Variants in RHOU observed in about 807,000 individuals in gnomAD.
The protein encoded by RHOU is ras homolog family member U.
In RHOU, 8 loss-of-function variants were observed where a neutral mutation model predicts 12.6. The observed-to-expected ratio is 0.64, with a 90% CI of 0.37 to 1.15. The LOEUF (loss-of-function observed/expected upper bound fraction) is 1.15. Ranked by LOEUF, RHOU falls within the 50% of genes most tolerant of loss-of-function variation. The probability of loss-of-function intolerance (pLI) is 0.01; values close to 1 mark genes in which losing one functional copy is unlikely to be tolerated. For synonymous variants in RHOU, 161 were observed against 147.4 expected, an observed-to-expected ratio of 1.09 and a Z score of -0.67; for missense variants, 258 against 347.0, an observed-to-expected ratio of 0.74 and a Z score of 2.04.
chr1:228,667,522 A>G, the RHOU span, among the ~76,000 whole-genome samples: 2,312 of 152,270 alleles, frequency 0.015, 65 homozygotes, highest in African/African-American at 0.053. Flanking sequence ...GGAACTTCAC[A>G]GTTGCTTGGC....
At chr1:228,665,941 CT>C in the RHOU span, among the ~76,000 whole-genome samples, 1 of 151,328 alleles carries the variant, frequency 6.6e-6, no homozygotes, top group African/African-American at 2.4e-5. Flanking sequence ...GGACAAAAGC[CT>C]TCTTCACCCC....
At chr1:228,683,845 C>A in the RHOU span, among the ~76,000 whole-genome samples, 89 of 152,292 alleles carry the variant, frequency 5.8e-4, no homozygotes, top group African/African-American at 1.9e-3. Context: ...TGAAAAGATC[C>A]CCGTGTCTGG....
the RHOU span, among the ~76,000 whole-genome samples, chr1:228,672,562 A>C: frequency 1.3e-5 from 2 of 152,342 alleles, no homozygotes; most frequent in East Asian, 3.9e-4. Context: ...TGATCTTTCC[A>C]GTTAAGTCAA....
At chr1:228,685,021 T>G in the RHOU span, among the ~76,000 whole-genome samples, 1 of 152,228 alleles carries the variant, frequency 6.6e-6, no homozygotes, top group Non-Finnish European at 1.5e-5. Flanking sequence ...TATTTTTTGA[T>G]GATATTCTAA....
the RHOU span, among the ~76,000 whole-genome samples, chr1:228,702,051 A>C: frequency 6.6e-5 from 10 of 152,074 alleles, no homozygotes; most frequent in Admixed American, 6.5e-4. Context: ...ATCTACATAT[A>C]TTTAGCTTTT....
Position 228,735,659 on chromosome 1 carries a change from C to T in RHOU, c.-84C>T. The T allele has an allele frequency of 9.3e-7, 1 of 1,079,958 alleles. No individual in the cohort carries two copies. Among genetic ancestry groups the T allele is most frequent in the East Asian group, 4.2e-5 (1 of 24,002 alleles). 66.9% of individuals were successfully genotyped at this position (1,079,958 alleles called of 1,614,324 possible). A position where few individuals can be genotyped will look rare whatever the true frequency, so the allele number is the denominator to read the frequency against. On this transcript the variant is annotated 5_prime_UTR_variant, in exon 1 of 3. Transcript: ENST00000366691. This position sits in a 1 kb window ranked among gnomAD's most constrained non-coding sequence, Gnocchi z 8.1. ...CGCCCGCAGCTGTCGGTGACAGCTC[C>T]TCCCTACCGCAACCCTCCGGGGCGG...
chr1:228,693,591 C>T, the RHOU span, among the ~76,000 whole-genome samples: 30 of 152,270 alleles, frequency 2.0e-4, no homozygotes, highest in African/African-American at 6.5e-4. Flanking sequence ...CTCAGTCTCC[C>T]GAGTAGCTGG....
the RHOU span, among the ~76,000 whole-genome samples, chr1:228,662,873 A>G: frequency 1.3e-4 from 20 of 152,216 alleles, no homozygotes; most frequent in African/African-American, 4.8e-4. Flanking sequence ...AATGGCAGAG[A>G]TAAGTGACAC....
At chr1:228,646,515 G>C in the RHOU span, among the ~76,000 whole-genome samples, 875 of 98,332 alleles carry the variant, frequency 8.9e-3, 14 homozygotes, top group African/African-American at 0.033. Flanking sequence ...GCGAACAGCC[G>C]GCCCAGCCGC....
the RHOU span, among the ~76,000 whole-genome samples, chr1:228,729,712 A>C: frequency 6.6e-6 from 1 of 152,240 alleles, no homozygotes. Context: ...TTATTGCAGC[A>C]TAGTACAGCC....
chr1:228,715,335 A>T, the RHOU span, among the ~76,000 whole-genome samples: 1 of 152,030 alleles, frequency 6.6e-6, no homozygotes, highest in Non-Finnish European at 1.5e-5. Flanking sequence ...ATGTTTTAGA[A>T]ATTTTATAAT....
chr1:228,661,098 G>A, the RHOU span, among the ~76,000 whole-genome samples: 1 of 152,050 alleles, frequency 6.6e-6, no homozygotes, highest in African/African-American at 2.4e-5. Flanking sequence ...GCTACAAAGA[G>A]AATAAAATAC....
chr1:228,733,016 G>A (rs1662525456), upstream of RHOU, among the ~76,000 whole-genome samples: 1 of 152,088 alleles, frequency 6.6e-6, no homozygotes, highest in Admixed American at 6.6e-5. Context: ...TTTTTCAGTT[G>A]CATACCCTTT....
the RHOU span, among the ~76,000 whole-genome samples, chr1:228,659,374 A>G: frequency 6.6e-6 from 1 of 152,016 alleles, no homozygotes; most frequent in Non-Finnish European, 1.5e-5. Flanking sequence ...GTGAAACTCC[A>G]TCTCAAAAAC....
chr1:228,746,123 A>G lies in RHOU; in HGVS notation c.*2383A>G, dbSNP rs952202024. On this transcript the variant is annotated 3_prime_UTR_variant, in exon 3 of 3. Coordinates refer to ENST00000366691, the MANE Select transcript of RHOU (RefSeq NM_021205.6). Reference sequence around the variant, plus strand: ...TTGACCTTTAAATGCAACAGTTTTTAAAATATATTGCTGCATTTTATAGAA... The same window carrying G: ...TTGACCTTTAAATGCAACAGTTTTTGAAATATATTGCTGCATTTTATAGAA... 3.3e-5 allele frequency: 5 copies of G among 152,242 alleles called. No individual in the cohort carries two copies. The highest frequency in any genetic ancestry group is 7.3e-5 in the Non-Finnish European group (5 of 68,042). 9.4% of individuals were successfully genotyped at this position (152,242 alleles called of 1,614,324 possible).
chr1:228,669,413 G>A, the RHOU span, among the ~76,000 whole-genome samples: 1 of 152,298 alleles, frequency 6.6e-6, no homozygotes, highest in East Asian at 1.9e-4. Flanking sequence ...TTGCATTACA[G>A]CCTCTGTGCT....
the RHOU span, among the ~76,000 whole-genome samples, chr1:228,667,025 G>A: frequency 2.4e-4 from 36 of 152,030 alleles, no homozygotes; most frequent in Non-Finnish European, 1.8e-4. Flanking sequence ...TTTAACTATC[G>A]AAAGCTCTCT....
the RHOU span, among the ~76,000 whole-genome samples, chr1:228,685,429 G>A: frequency 6.6e-6 from 1 of 152,194 alleles, no homozygotes; most frequent in East Asian, 1.9e-4. Flanking sequence ...GAAACTCAGA[G>A]TGAGAGACTA....
the RHOU span, among the ~76,000 whole-genome samples, chr1:228,697,040 G>C: frequency 6.6e-6 from 1 of 152,202 alleles, no homozygotes; most frequent in Non-Finnish European, 1.5e-5. Flanking sequence ...GATCTGACTA[G>C]ATGGTTTGAT....
Sources: gnomAD v4.1 joint callset for allele counts (sites outside exome capture counted in the v4.1 genomes callset) on GRCh38, gnomAD v4.1.1 for gene constraint, Gnocchi (gnomAD v3.1) non-coding constraint, MANE v1.5 for transcripts, NCBI Gene and HGNC (gene_info 2026-07-23, HGNC 2026-07-21) for gene names.